Variants in CHST8 observed in about 807,000 individuals in gnomAD.
CHST8 encodes the protein carbohydrate sulfotransferase 8.
A neutral mutation model predicts 15.0 loss-of-function variants in CHST8; 10 were observed. The ratio of observed to expected loss-of-function variants is 0.67; its 90% CI spans 0.41 to 1.13. The LOEUF is 1.13. Ranked by LOEUF, CHST8 falls within the 50% of genes most tolerant of loss-of-function variation. The pLI is 0.00. For missense variants in CHST8, 634 were observed against 608.2 expected (o/e 1.04, Z -0.45); for synonymous variants, 259 against 256.6 (o/e 1.01, Z -0.09).
chr19:33,720,662 ACAC>A (rs1285595272), intron 3 of CHST8, among the ~76,000 whole-genome samples: 1 of 152,236 alleles, frequency 6.6e-6, no homozygotes, highest in Non-Finnish European at 1.5e-5. Context: ...TGAGCAGAGC[ACAC>A]TGCTGAGAGC....
At chr19:33,735,434 C>T (rs769323566) in intron 3 of CHST8, among the ~76,000 whole-genome samples, 3 of 152,214 alleles carry the variant, frequency 2.0e-5, no homozygotes, top group Non-Finnish European at 4.4e-5. Flanking sequence ...CCCCTTCTCC[C>T]GACTGCCCAC....
rs191866860 is a variant in CHST8 at position 33,659,655 on chromosome 19, A to T, written c.-163-8112A>T. Among the ~76,000 whole-genome samples, 427 of 152,042 alleles carry T rather than the reference A, an allele frequency of 2.8e-3. 5 individuals are homozygous for T. Among genetic ancestry groups the T allele is most frequent in the East Asian group, 0.025 (131 of 5,144 alleles). On this transcript the variant is annotated intron_variant, in intron 1 of 4. Coordinates refer to ENST00000650847, the MANE Select transcript of CHST8 (RefSeq NM_001127895.2). ...GAGATCTTGTCTCTACAAAAAAATT[A>T]AAAAAATAACCAGGAAAGGTGGCTT... is the stretch of plus-strand genomic sequence containing the variant.
intron 3 of CHST8, among the ~76,000 whole-genome samples, chr19:33,757,456 A>AGAGAG (rs1568358464): frequency 5.6e-5 from 2 of 35,760 alleles, no homozygotes; most frequent in Non-Finnish European, 1.2e-4. Context: ...GAAAGAAAGA[A>AGAGAG]AGAAAGAAAG....
At chr19:33,716,422 A>G (rs1973666859) in intron 3 of CHST8, among the ~76,000 whole-genome samples, 2 of 152,314 alleles carry the variant, frequency 1.3e-5, no homozygotes, top group East Asian at 1.9e-4. Context: ...ACTGGAGTAC[A>G]GTGGCACGAT....
chr19:33,666,812 CCT>C (rs1210490578), intron 1 of CHST8, among the ~76,000 whole-genome samples: 1 of 152,120 alleles, frequency 6.6e-6, no homozygotes. Flanking sequence ...AAGCAATTCC[CCT>C]GTCTCAGCCT....
chr19:33,689,193 G>T lies in CHST8; in HGVS notation c.-69G>T. Reference sequence around the variant, plus strand: ...CCCCGTAGATCTCGGCCTGATGGACGCCTGGTGTGGACGATGAGGGAAGAA... The same window carrying T: ...CCCCGTAGATCTCGGCCTGATGGACTCCTGGTGTGGACGATGAGGGAAGAA... On this transcript the variant is annotated 5_prime_UTR_variant, in exon 3 of 5. Transcript: ENST00000650847. 6.9e-7 allele frequency: 1 copy of T among 1,455,436 alleles called. No individual in the cohort carries two copies. Among genetic ancestry groups the T allele is most frequent in the Non-Finnish European group, 9.1e-7 (1 of 1,103,000 alleles). The allele number at this position is 1,455,436 out of a possible 1,614,324, so 90.2% of individuals were successfully genotyped here. A position where few individuals can be genotyped will look rare whatever the true frequency, so the allele number is the denominator to read the frequency against.
chr19:33,701,123 A>AG (rs1442828081), intron 3 of CHST8, among the ~76,000 whole-genome samples: 1 of 151,984 alleles, frequency 6.6e-6, no homozygotes, highest in African/African-American at 2.4e-5. Flanking sequence ...CCTGATTTGG[A>AG]GGGGGAGCCC....
chr19:33,693,986 T>C (rs1973148319), intron 3 of CHST8, among the ~76,000 whole-genome samples: 1 of 150,276 alleles, frequency 6.7e-6, no homozygotes, highest in Non-Finnish European at 1.5e-5. Context: ...GGTGAGTCAT[T>C]GTCAGTGACC....
At chr19:33,756,689 C>G (rs1255467328) in intron 3 of CHST8, among the ~76,000 whole-genome samples, 2 of 152,218 alleles carry the variant, frequency 1.3e-5, no homozygotes, top group Non-Finnish European at 2.9e-5. Context: ...CCCAACCTGC[C>G]TAAGTTCAGA....
chr19:33,626,713 T>C (rs982159458), intron 1 of CHST8, among the ~76,000 whole-genome samples: 8 of 151,616 alleles, frequency 5.3e-5, no homozygotes, highest in Admixed American at 5.3e-4. Flanking sequence ...CCTCACCAGA[T>C]GCAAATGCAG....
intron 1 of CHST8, among the ~76,000 whole-genome samples, chr19:33,631,477 A>G (rs562485584): frequency 1.2e-3 from 188 of 152,110 alleles, no homozygotes; most frequent in African/African-American, 4.2e-3. Flanking sequence ...GGTCATCACT[A>G]CCTTGCCATC....
chr19:33,767,083 C>T, intron 3 of CHST8, among the ~76,000 whole-genome samples: 1 of 152,318 alleles, frequency 6.6e-6, no homozygotes, highest in South Asian at 2.1e-4. Context: ...ACACTAGCAT[C>T]ATCGCCCATC....
At chr19:33,711,059 G>A (rs1420916818) in intron 3 of CHST8, among the ~76,000 whole-genome samples, 1 of 151,978 alleles carries the variant, frequency 6.6e-6, no homozygotes, top group Non-Finnish European at 1.5e-5. Context: ...TTTGTTGAGA[G>A]AGGCATCTCA....
intron 3 of CHST8, among the ~76,000 whole-genome samples, chr19:33,695,821 C>CTTTCTTTCTTTCTTTCTTTCTTTTTT (rs57718433): frequency 2.6e-5 from 2 of 76,238 alleles, no homozygotes; most frequent in African/African-American, 6.2e-5. Context: ...TTCTTTCTTT[C>CTTTCTTTCTTTCTTTCTTTCTTTTTT]TTTTTTTTTT....
intron 3 of CHST8, among the ~76,000 whole-genome samples, chr19:33,736,690 C>A (rs549760448): frequency 7.2e-5 from 11 of 152,234 alleles, no homozygotes; most frequent in African/African-American, 2.4e-4. Context: ...CTTTCTGTTC[C>A]TGAGATTTTC....
intron 3 of CHST8, among the ~76,000 whole-genome samples, chr19:33,696,897 A>G (rs557087344): frequency 7.3e-5 from 11 of 151,484 alleles, no homozygotes; most frequent in Non-Finnish European, 1.0e-4. Context: ...CTAGAGTCCA[A>G]TGGTACAATC....
chr19:33,755,322 A>G (rs1469663084), intron 3 of CHST8, among the ~76,000 whole-genome samples: 1 of 152,168 alleles, frequency 6.6e-6, no homozygotes, highest in Non-Finnish European at 1.5e-5. Context: ...AACAGAAAAC[A>G]TGCTAGCAGC....
At position 33,771,451 on chromosome 19, in the gene CHST8, G is replaced by T; in HGVS notation, c.168+1G>T. On this transcript the variant is annotated splice_donor_variant, in intron 4 of 4. Transcript: ENST00000650847. LOFTEE classifies it high-confidence loss of function. ...CATCAGGCCAAGGCAGCCCCACCAC[G>T]TAAGTTCTGAGAGTCAGATAAATCT... 6.2e-7 allele frequency: 1 copy of T among 1,614,028 alleles called. No homozygotes were observed. Among genetic ancestry groups the T allele is most frequent in the Non-Finnish European group, 8.5e-7 (1 of 1,179,936 alleles).
chr19:33,757,521 A>G (rs1599630282), intron 3 of CHST8, among the ~76,000 whole-genome samples: 1 of 35,956 alleles, frequency 2.8e-5, no homozygotes. Context: ...AAAGAAAGAA[A>G]GAGAAAGAAA....
Sources: allele counts gnomAD v4.1 joint callset (sites outside exome capture counted in the v4.1 genomes callset), GRCh38; gene constraint gnomAD v4.1.1; transcripts MANE v1.5; gene names NCBI Gene and HGNC (gene_info 2026-07-23, HGNC 2026-07-21).